Variants in NXPE4 observed in about 807,000 individuals in gnomAD.
NXPE4 encodes NXPE family member 4.
In NXPE4, 42 loss-of-function variants were observed where a neutral mutation model predicts 33.3. The ratio of observed to expected loss-of-function variants is 1.26; its 90% CI spans 0.98 to 1.63. The LOEUF is 1.63. NXPE4 is among the 40% of genes most tolerant of loss of function. The pLI, the probability that NXPE4 is intolerant of heterozygous loss-of-function variation, is 0.00. For missense variants in NXPE4, 709 were observed against 647.6 expected (o/e 1.09, Z -1.03); for synonymous variants, 253 against 234.9 (o/e 1.08, Z -0.71).
upstream of NXPE4, among the ~76,000 whole-genome samples, chr11:114,599,759 A>G (rs1949616768): frequency 6.6e-6 from 1 of 152,136 alleles, no homozygotes. Flanking sequence ...CTCACTCACT[A>G]TACAGTACCA....
At chr11:114,634,258 C>G in the NXPE4 span, among the ~76,000 whole-genome samples, 5 of 151,892 alleles carry the variant, frequency 3.3e-5, no homozygotes, top group Admixed American at 1.3e-4. Flanking sequence ...GCATAAATGT[C>G]TTCTTTTGAG....
the NXPE4 span, among the ~76,000 whole-genome samples, chr11:114,641,964 G>T: frequency 9.2e-5 from 14 of 151,748 alleles, no homozygotes; most frequent in South Asian, 2.9e-3. Context: ...ATATTTTTGT[G>T]GTATATAACA....
the NXPE4 span, among the ~76,000 whole-genome samples, chr11:114,610,445 C>T: frequency 2.0e-5 from 3 of 151,934 alleles, no homozygotes; most frequent in African/African-American, 7.2e-5. Flanking sequence ...CCACTGTTTC[C>T]CGGTGGATAA....
chr11:114,629,960 A>T, the NXPE4 span, among the ~76,000 whole-genome samples: 1 of 150,572 alleles, frequency 6.6e-6, no homozygotes, highest in Non-Finnish European at 1.5e-5. Flanking sequence ...AATCCAACTT[A>T]CAAGGGACGT....
At chr11:114,589,152 C>T (rs963388885) in intron 2 of NXPE4, among the ~76,000 whole-genome samples, 5 of 152,078 alleles carry the variant, frequency 3.3e-5, no homozygotes, top group African/African-American at 1.2e-4. Flanking sequence ...GAAGCCACCT[C>T]GACCCTCTCT....
the NXPE4 span, among the ~76,000 whole-genome samples, chr11:114,620,762 A>G: frequency 0.67 from 101,898 of 151,838 alleles, 34,460 homozygotes; most frequent in African/African-American, 0.75. Flanking sequence ...GTATTGCCTC[A>G]TGTCTAACCA....
chr11:114,583,085 A>G, intron 2 of NXPE4, 64 bp from the exon 3 acceptor site: 1 of 1,502,914 alleles, frequency 6.7e-7, no homozygotes, highest in African/African-American at 1.4e-5. Context: ...CTGAAATGAC[A>G]GGAAGTGTAA....
At chr11:114,669,535 C>A in the NXPE4 span, among the ~76,000 whole-genome samples, 2 of 152,048 alleles carry the variant, frequency 1.3e-5, no homozygotes, top group Admixed American at 1.3e-4. Context: ...CTCTACCCAG[C>A]CCCTACTTAT....
At chr11:114,633,300 T>G in the NXPE4 span, among the ~76,000 whole-genome samples, 3 of 139,476 alleles carry the variant, frequency 2.2e-5, no homozygotes, top group African/African-American at 7.9e-5. Flanking sequence ...AATTCTAATG[T>G]AATAAAATAT....
the NXPE4 span, among the ~76,000 whole-genome samples, chr11:114,647,761 G>T: frequency 6.6e-6 from 1 of 151,694 alleles, no homozygotes; most frequent in African/African-American, 2.4e-5. Flanking sequence ...GAGTACAGTG[G>T]CATGATCTGG....
intron 2 of NXPE4, among the ~76,000 whole-genome samples, chr11:114,589,486 G>T (rs947038139): frequency 3.9e-5 from 6 of 152,048 alleles, no homozygotes; most frequent in African/African-American, 1.5e-4. Flanking sequence ...AGGTGCAGTT[G>T]GGGGGACATA....
the NXPE4 span, among the ~76,000 whole-genome samples, chr11:114,629,534 G>A: frequency 3.3e-5 from 5 of 151,612 alleles, no homozygotes; most frequent in Non-Finnish European, 7.4e-5. Flanking sequence ...AATAATAAGA[G>A]CTATCTATGA....
At chr11:114,645,708 C>T in the NXPE4 span, among the ~76,000 whole-genome samples, 1 of 152,078 alleles carries the variant, frequency 6.6e-6, no homozygotes, top group East Asian at 1.9e-4. Flanking sequence ...GAAGAAAAGA[C>T]ATGAATAAAG....
At chr11:114,604,776 A>G in the NXPE4 span, among the ~76,000 whole-genome samples, 4 of 151,100 alleles carry the variant, frequency 2.6e-5, no homozygotes, top group African/African-American at 9.7e-5. Flanking sequence ...ACTGTTACCC[A>G]GTGGATAATA....
Position 114,570,760 on chromosome 11 carries a change from G to T in NXPE4, c.*178C>A. ...AGTATTTTTAGTTTTATTTTTAAGT[G>T]GAAGCCCAGATTAGAAACATCTCAT... On this transcript the variant is annotated 3_prime_UTR_variant, in exon 6 of 6. Coordinates refer to ENST00000375478, the MANE Select transcript of NXPE4 (RefSeq NM_001077639.2). The T allele has an allele frequency of 1.9e-6, 1 of 520,584 alleles. No individual in the cohort carries two copies. The highest frequency in any genetic ancestry group is 3.4e-6 in the Non-Finnish European group (1 of 298,104). 32.2% of individuals were successfully genotyped at this position (520,584 alleles called of 1,614,324 possible).
the NXPE4 span, among the ~76,000 whole-genome samples, chr11:114,618,528 G>A: frequency 5.9e-5 from 9 of 152,036 alleles, no homozygotes; most frequent in East Asian, 9.8e-4. Context: ...TGGATAATAA[G>A]TATTGCCTCT....
the NXPE4 span, among the ~76,000 whole-genome samples, chr11:114,617,422 C>T: frequency 7.2e-5 from 11 of 152,032 alleles, no homozygotes; most frequent in East Asian, 1.2e-3. Flanking sequence ...CCACTGTTAC[C>T]GGGTGGATAA....
chr11:114,643,033 T>A, the NXPE4 span, among the ~76,000 whole-genome samples: 30 of 152,168 alleles, frequency 2.0e-4, no homozygotes, highest in African/African-American at 6.8e-4. Context: ...CATTTTTTAA[T>A]GTTTGTTGGC....
the NXPE4 span, among the ~76,000 whole-genome samples, chr11:114,651,177 C>T: frequency 2.0e-5 from 3 of 152,012 alleles, no homozygotes; most frequent in Non-Finnish European, 2.9e-5. Flanking sequence ...AGAATGAAGC[C>T]GTGGACCCTC....
Sources: gnomAD v4.1 joint callset for allele counts (sites outside exome capture counted in the v4.1 genomes callset) on GRCh38, gnomAD v4.1.1 for gene constraint, MANE v1.5 for transcripts, NCBI Gene and HGNC (gene_info 2026-07-23, HGNC 2026-07-21) for gene names.